AARS1: variants seen among roughly 807,000 people sequenced by gnomAD.
AARS1 encodes the protein alanine--tRNA ligase, cytoplasmic.
Under a neutral mutation model 108.9 loss-of-function variants are expected in AARS1, and 72 were observed. The observed-to-expected ratio is 0.66, with a 90% CI of 0.55 to 0.80. The LOEUF is 0.80. Ranked by LOEUF, AARS1 falls within the 30% of genes least tolerant of loss-of-function variation. AARS1 has a pLI of 0.00. For missense variants in AARS1, 1,193 were observed against 1,233.2 expected, an observed-to-expected ratio of 0.97 and a Z score of 0.49; for synonymous variants, 489 against 465.7, an observed-to-expected ratio of 1.05 and a Z score of -0.64.
At chr16:70,280,422 C>G (rs896581903) in intron 2 of AARS1, among the ~76,000 whole-genome samples, 1 of 152,188 alleles carries the variant, frequency 6.6e-6, no homozygotes, top group East Asian at 1.9e-4. Flanking sequence ...GTGATCCTCC[C>G]GTCTCAGCCT....
rs1197267626 is a variant in AARS1 at position 70,270,204 on chromosome 16, T to C, written c.808A>G (p.Ile270Val). Residue 270 changes from isoleucine to valine, a missense_variant, in exon 6 of 21, where the codon ATT becomes GTT. Transcript: ENST00000261772. Reference sequence around the variant, plus strand: ...TGCAATAGCACCAGTACCTTCTGAATGGCTTCAAAGTAAGGGACAAAAAGG... The same window carrying C: ...TGCAATAGCACCAGTACCTTCTGAACGGCTTCAAAGTAAGGGACAAAAAGG... ...TDLFVPYFEA[I>V]QKGTGARPYT... 3 of 1,614,068 alleles carry C rather than the reference T, an allele frequency of 1.9e-6. No homozygotes were observed. Among genetic ancestry groups the C allele is most frequent in the East Asian group, 2.2e-5 (1 of 44,898 alleles).
intron 15 of AARS1, 79 bp from the exon 16 acceptor site, chr16:70,255,915 G>T: frequency 3.0e-6 from 4 of 1,351,110 alleles, no homozygotes; most frequent in Non-Finnish European, 3.1e-6. Context: ...GCGGACAAGA[G>T]AAGCAGGAAT....
intron 2 of AARS1, among the ~76,000 whole-genome samples, chr16:70,277,821 C>G (rs1274117572): frequency 6.7e-6 from 1 of 150,294 alleles, no homozygotes; most frequent in Non-Finnish European, 1.5e-5. Flanking sequence ...GGCACAATCT[C>G]AGGTCACTGC....
rs940908138 is a variant in AARS1 at position 70,262,207 on chromosome 16, C to T, written c.1671+139G>A. The T allele has an allele frequency of 5.3e-5, 56 of 1,061,574 alleles. 1 individual carries two copies. The highest frequency in any genetic ancestry group is 9.5e-5 in the East Asian group (4 of 42,074). 65.8% of individuals were successfully genotyped at this position (1,061,574 alleles called of 1,614,324 possible). A position where few individuals can be genotyped will look rare whatever the true frequency, so the allele number is the denominator to read the frequency against. ...CAACAGGTACAAGCAACAGCTCCCT[C>T]GGCTTCAGAAATACCATGGAACCCA... On this transcript the variant is annotated intron_variant, in intron 12 of 20. Transcript: ENST00000261772.
rs571319229 is a variant in AARS1, at chr16:70,264,478, G to T, written c.1492+480C>A. Among the ~76,000 whole-genome samples the T allele has an allele frequency of 2.0e-3, 302 of 151,884 alleles. 1 individual carries two copies. The highest frequency in any genetic ancestry group is 6.9e-3 in the African/African-American group (287 of 41,478). ...ATTACAGGGGCACGCCACCACGCCC[G>T]GCTAATTTCCGTATTTTTAGTAGAG... On this transcript the variant is annotated intron_variant, in intron 11 of 20. Transcript: ENST00000261772.
chr16:70,254,258 G>A (rs542357096), intron 17 of AARS1: 74 of 642,568 alleles, frequency 1.2e-4, no homozygotes, highest in Middle Eastern at 4.3e-4. Flanking sequence ...AATCAGGCCC[G>A]GTCCTTACCA....
chr16:70,280,901 C>CA (rs1960681718), intron 2 of AARS1, among the ~76,000 whole-genome samples: 1 of 152,158 alleles, frequency 6.6e-6, no homozygotes, highest in Non-Finnish European at 1.5e-5. Context: ...GATCAGGGAT[C>CA]ACCATAGCCT....
rs773609882 is a variant in AARS1 at position 70,254,758 on chromosome 16, C to T, written c.2287-24G>A. The T allele has an allele frequency of 2.6e-5, 39 of 1,513,872 alleles. No individual in the cohort carries two copies. In the Admixed American group the frequency reaches 6.5e-4, roughly 25 times the overall value. The allele number at this position is 1,513,872 out of a possible 1,614,324, so 93.8% of individuals were successfully genotyped here. A position where few individuals can be genotyped will look rare whatever the true frequency, so the allele number is the denominator to read the frequency against. On this transcript the variant is annotated intron_variant, in intron 16 of 20. Transcript: ENST00000261772. ...GCCTGGGAGGGGACACCGGGTCAAC[C>T]CCAAGCAGGAGGTCTGAGTCAGACT...
chr16:70,270,150 TG>T (rs771901144), intron 6 of AARS1, 45 bp downstream of exon 6: 27 of 1,611,462 alleles, frequency 1.7e-5, no homozygotes, highest in Non-Finnish European at 2.1e-5. Context: ...GAGTACAGCC[TG>T]GAAAACTCCA....
chr16:70,287,721 T>A (rs1960885720), intron 1 of AARS1, among the ~76,000 whole-genome samples: 1 of 152,008 alleles, frequency 6.6e-6, no homozygotes, highest in Non-Finnish European at 1.5e-5. Context: ...CCAGCCTAGG[T>A]AACAGGGTGA....
rs1447363914 is a variant in AARS1 at position 70,262,360 on chromosome 16, C to T, written c.1657G>A (p.Asp553Asn). 1.9e-6 allele frequency: 3 copies of T among 1,614,226 alleles called. No homozygotes were observed. The highest frequency in any genetic ancestry group is 2.5e-6 in the Non-Finnish European group (3 of 1,180,048). The change falls in exon 12 of 21, where the codon GAC (aspartate) becomes AAC (asparagine). Residue 553 changes from aspartate to asparagine, a missense_variant. Asp to Asn is a conservative substitution (Grantham distance 23). Coordinates refer to ENST00000261772, the MANE Select transcript of AARS1 (RefSeq NM_001605.3). ...YDEGYLVKVD[D>N]SSEDKTEFTV... Reference sequence around the variant, plus strand: ...TGTTGGCTCACATCTTCACTGCTGTCATCCACCTTCACCAGGTAGCCTTCG... The same window carrying T: ...TGTTGGCTCACATCTTCACTGCTGTTATCCACCTTCACCAGGTAGCCTTCG...
At position 70,255,717 on chromosome 16, in the gene AARS1, G is replaced by GA. The variant is rs759018103; in HGVS notation, c.2286+10dup. 3 of 1,613,142 alleles carry GA rather than the reference G, an allele frequency of 1.9e-6. No homozygotes were observed. The highest frequency in any genetic ancestry group is 1.7e-6 in the Non-Finnish European group (2 of 1,179,170). ...CTTCAGATAAGCCACAAACCAGCCT[G>GA]ACCTGCTCACCTTCTGGGCCTCGGC... On this transcript the variant is annotated intron_variant, in intron 16 of 20. Transcript: ENST00000261772.
chr16:70,255,633 A>G (rs2152151673), intron 16 of AARS1, 95 bp downstream of exon 16: 1 of 1,137,724 alleles, frequency 8.8e-7, no homozygotes, highest in East Asian at 2.5e-5. Context: ...CTCTGACTGC[A>G]GCAGCCACGC....
rs1251929931 is a variant in AARS1 at position 70,277,021 on chromosome 16, T to C, written c.278A>G (p.Tyr93Cys). ...CAGCATCTCGAAGAAGGTGTGATGA[T>C]AGACATCCTTGCCCACATCGTCCAG... ...NDLDDVGKDV[Y>C]HHTFFEMLGS... The change falls in exon 3 of 21, where the codon TAT becomes TGT. Residue 93 changes from tyrosine (Y) to cysteine (C), a missense_variant. Transcript: ENST00000261772. 1.1e-5 allele frequency: 17 copies of C among 1,614,096 alleles called. No homozygotes were observed. Among genetic ancestry groups the C allele is most frequent in the Middle Eastern group, 1.6e-4 (1 of 6,084 alleles).
In AARS1 at chr16:70,265,676, A is replaced by T; in HGVS notation, c.1223-14T>A. 6.2e-7 allele frequency: 1 copy of T among 1,612,432 alleles called. No individual in the cohort carries two copies. The highest frequency in any genetic ancestry group is 8.5e-7 in the Non-Finnish European group (1 of 1,179,066). On this transcript the variant is annotated splice_polypyrimidine_tract_variant and intron_variant, in intron 9 of 20. Coordinates refer to ENST00000261772, the MANE Select transcript of AARS1 (RefSeq NM_001605.3). ...AAGCAGTGTCTCCTACACAGCACAA[A>T]GGAGGTGTGTCAAAAAAAACAGACA... is the stretch of plus-strand genomic sequence containing the variant.
In AARS1 at chr16:70,252,501, GC is replaced by G; in HGVS notation, c.*219del. 1 of 592,922 alleles carries G rather than the reference GC, an allele frequency of 1.7e-6. No homozygotes were observed. Among genetic ancestry groups the G allele is most frequent in the Non-Finnish European group, 3.0e-6 (1 of 332,494 alleles). The allele number at this position is 592,922 out of a possible 1,614,324, so 36.7% of individuals were successfully genotyped here. A position where few individuals can be genotyped will look rare whatever the true frequency, so the allele number is the denominator to read the frequency against. ...ATAGATGCGAGCGTGACGATCAACA[GC>G]AATGCGGGGTTAGTGGTTCTAGACC... On this transcript the variant is annotated 3_prime_UTR_variant, in exon 21 of 21. Coordinates refer to ENST00000261772, the MANE Select transcript of AARS1 (RefSeq NM_001605.3).
At position 70,265,134 on chromosome 16, in the gene AARS1, G is replaced by A. The variant is rs147650672; in HGVS notation, c.1348-32C>T. ...GCAAGAGAAACAAGCATAAGTTACC[G>A]TAAAGTAGGAGAAAAGGGACTCCAA... On this transcript the variant is annotated intron_variant, in intron 10 of 20. Transcript: ENST00000261772. The A allele has an allele frequency of 3.8e-5, 62 of 1,611,116 alleles. No homozygotes were observed. In the East Asian group the frequency reaches 4.5e-4, roughly 12 times the overall value.
In AARS1 at chr16:70,253,344, G is replaced by C. The variant is rs1452856880; in HGVS notation, c.2645C>G (p.Ser882Cys). Residue 882 changes from serine (S) to cysteine (C), a missense_variant, in exon 20 of 21, where the codon TCC (serine) becomes TGC (cysteine). Ser to Cys is a moderately radical substitution (Grantham distance 112). Transcript: ENST00000261772. ...NEALKLFKMH[S>C]PQTSAMLFTV... ...GAAGAGCATGGCAGAAGTCTGAGGG[G>C]AGTGCATCTTGAAGAGCTTCAAGGC... 6 of 1,614,188 alleles carry C rather than the reference G, an allele frequency of 3.7e-6. No homozygotes were observed. Among genetic ancestry groups the C allele is most frequent in the Non-Finnish European group, 5.1e-6 (6 of 1,180,024 alleles).
chr16:70,262,009 G>A (rs1960143570), intron 12 of AARS1, among the ~76,000 whole-genome samples: 2 of 152,094 alleles, frequency 1.3e-5, no homozygotes, highest in Admixed American at 1.3e-4. Context: ...GGAACCTGAA[G>A]CCTAGGGAGA....
Sources: allele counts gnomAD v4.1 joint callset (sites outside exome capture counted in the v4.1 genomes callset), GRCh38; gene constraint gnomAD v4.1.1; transcripts MANE v1.5; gene names NCBI Gene and HGNC (gene_info 2026-07-23, HGNC 2026-07-21).